RAD50: variants seen among roughly 807,000 people sequenced by gnomAD.
The protein encoded by RAD50 is DNA repair protein RAD50.
Under a neutral mutation model 168.8 loss-of-function variants are expected in RAD50, and 132 were observed. The ratio of observed to expected loss-of-function variants is 0.78; its 90% CI spans 0.68 to 0.90. The LOEUF (loss-of-function observed/expected upper bound fraction) is 0.90, where lower values mean the gene tolerates loss of function less well. Ranked by LOEUF, RAD50 falls within the 40% of genes least tolerant of loss-of-function variation. RAD50 has a pLI of 0.00. For missense variants in RAD50, 1,347 were observed against 1,534.4 expected (o/e 0.88, Z 2.04); for synonymous variants, 525 against 497.4 (o/e 1.06, Z -0.74).
At position 132,588,844 on chromosome 5, in the gene RAD50, A is replaced by G. The variant is rs200943808; in HGVS notation, c.1209A>G (p.Arg403=). The change falls in exon 8 of 25, where the codon AGA becomes AGG. Residue 403 remains arginine, a synonymous_variant. Coordinates refer to ENST00000378823, the MANE Select transcript of RAD50 (RefSeq NM_005732.4). ...IKNFHKLVRE[R]QEGEAKTANQ... Reference sequence around the variant, plus strand: ...ATTTTCACAAACTTGTGAGAGAGAGACAAGAAGGGGAAGCAAAAACTGCCA... The same window carrying G: ...ATTTTCACAAACTTGTGAGAGAGAGGCAAGAAGGGGAAGCAAAAACTGCCA... The G allele has an allele frequency of 1.2e-6, 2 of 1,613,894 alleles. No homozygotes were observed. The highest frequency in any genetic ancestry group is 1.7e-6 in the Non-Finnish European group (2 of 1,179,934).
intron 19 of RAD50, among the ~76,000 whole-genome samples, chr5:132,611,292 G>C (rs1751080707): frequency 6.6e-6 from 1 of 152,188 alleles, no homozygotes; most frequent in Non-Finnish European, 1.5e-5. Flanking sequence ...TCAGGAGGCT[G>C]AGGCAGGAGA....
At chr5:132,609,521 C>A in intron 19 of RAD50, 125 bp downstream of exon 19, 1 of 1,439,612 alleles carries the variant, frequency 6.9e-7, no homozygotes, top group Admixed American at 2.2e-5. Flanking sequence ...GTGGCTCACA[C>A]CTGTAATCCC....
In RAD50 at chr5:132,603,281, A is replaced by C; in HGVS notation, c.2208-19A>C. On this transcript the variant is annotated intron_variant, in intron 13 of 24. Transcript: ENST00000378823. The stretch of plus-strand genomic sequence containing the variant: ...GAGAAACATCAGATACTTTATTTTT[A>C]ATTGTGTTTTCTATTTAGGCAAAGC... 6.3e-7 allele frequency: 1 copy of C among 1,587,334 alleles called. No homozygotes were observed. Among genetic ancestry groups the C allele is most frequent in the Non-Finnish European group, 8.6e-7 (1 of 1,160,066 alleles).
chr5:132,628,231 G>C (rs185716119), intron 21 of RAD50, among the ~76,000 whole-genome samples: 1 of 152,250 alleles, frequency 6.6e-6, no homozygotes, highest in African/African-American at 2.4e-5. Context: ...CATATCCACG[G>C]CATTTAACCC....
At chr5:132,612,796 C>A (rs902583011) in intron 19 of RAD50, among the ~76,000 whole-genome samples, 1 of 151,956 alleles carries the variant, frequency 6.6e-6, no homozygotes, top group Non-Finnish European at 1.5e-5. Flanking sequence ...CCACTGCACT[C>A]CAGCCTGGGC....
chr5:132,630,160 G>T (rs1190698283), intron 21 of RAD50, among the ~76,000 whole-genome samples: 2 of 150,886 alleles, frequency 1.3e-5, no homozygotes, highest in Non-Finnish European at 1.5e-5. Context: ...CTTCTGCCTC[G>T]GCCTCCCAAG....
chr5:132,588,220 A>G (rs1303887651), intron 7 of RAD50, 131 bp downstream of exon 7: 3 of 1,074,452 alleles, frequency 2.8e-6, no homozygotes, highest in African/African-American at 1.6e-5. Context: ...GTATGTTTCC[A>G]TTTATATAAC....
intron 8 of RAD50, among the ~76,000 whole-genome samples, chr5:132,589,124 T>G (rs1291146935): frequency 6.6e-6 from 1 of 152,206 alleles, no homozygotes; most frequent in Non-Finnish European, 1.5e-5. Flanking sequence ...TAAAAACTAA[T>G]TGCAGAGAAA....
At chr5:132,575,171 A>G (rs1750370823) in intron 2 of RAD50, among the ~76,000 whole-genome samples, 1 of 152,240 alleles carries the variant, frequency 6.6e-6, no homozygotes. Flanking sequence ...TACAAAAGAA[A>G]GGGTTTAATG....
intron 2 of RAD50, among the ~76,000 whole-genome samples, chr5:132,573,326 G>A (rs1750339684): frequency 6.6e-6 from 1 of 152,176 alleles, no homozygotes; most frequent in Non-Finnish European, 1.5e-5. Flanking sequence ...CAATCATGGT[G>A]GAAGGTGAAA....
At chr5:132,578,450 A>T (rs1169663794) in intron 3 of RAD50, among the ~76,000 whole-genome samples, 1 of 147,764 alleles carries the variant, frequency 6.8e-6, no homozygotes, top group South Asian at 2.1e-4. Context: ...GTGATAACCT[A>T]TTGATTTATC....
intron 14 of RAD50, 116 bp from the exon 15 acceptor site, chr5:132,603,804 T>C: frequency 9.6e-7 from 1 of 1,040,634 alleles, no homozygotes; most frequent in Non-Finnish European, 1.4e-6. Context: ...AAATTGTATC[T>C]AGAAATGGTT....
chr5:132,637,912 A>G (rs1296699045), intron 22 of RAD50, 169 bp from the exon 23 acceptor site: 2 of 740,916 alleles, frequency 2.7e-6, no homozygotes, highest in Non-Finnish European at 4.4e-6. Flanking sequence ...TGGCCAGACC[A>G]CCAGGCTCTT....
At chr5:132,618,595 C>T (rs1179857339) in intron 21 of RAD50, among the ~76,000 whole-genome samples, 1 of 152,170 alleles carries the variant, frequency 6.6e-6, no homozygotes, top group Admixed American at 6.5e-5. Flanking sequence ...TCAGGCTGGT[C>T]TCGAACTCCT....
At chr5:132,627,919 C>T (rs769281576) in intron 21 of RAD50, among the ~76,000 whole-genome samples, 1 of 152,122 alleles carries the variant, frequency 6.6e-6, no homozygotes, top group African/African-American at 2.4e-5. Flanking sequence ...AAGTGATAGA[C>T]TTGGGATTTG....
Position 132,620,829 on chromosome 5 carries a change from A to AT in RAD50, c.3389+2536dup, listed in dbSNP as rs548568502. ...ATATTTTGTATGTTATGTGTATTAT[A>AT]TGCAGTATTCTTTCACAATAAAGTA... On this transcript the variant is annotated intron_variant, in intron 21 of 24. Transcript: ENST00000378823. Among the ~76,000 whole-genome samples the AT allele has an allele frequency of 1.3e-4, 20 of 152,364 alleles. No homozygotes were observed. The South Asian group carries it at 4.1e-3, about 32-fold the overall frequency.
Position 132,557,219 on chromosome 5 carries a change from T to C in RAD50, c.-106T>C. Reference sequence around the variant, plus strand: ...GCCTCGCTCCCCGCCCGGATCCTCCTGACCCTGAGATTCGCGGGTCTCACG... The same window carrying C: ...GCCTCGCTCCCCGCCCGGATCCTCCCGACCCTGAGATTCGCGGGTCTCACG... On this transcript the variant is annotated 5_prime_UTR_variant, in exon 1 of 25. Coordinates refer to ENST00000378823, the MANE Select transcript of RAD50 (RefSeq NM_005732.4). 6.7e-7 allele frequency: 1 copy of C among 1,486,834 alleles called. No individual in the cohort carries two copies. The highest frequency in any genetic ancestry group is 9.4e-7 in the Non-Finnish European group (1 of 1,066,436). The allele number at this position is 1,486,834 out of a possible 1,614,324, so 92.1% of individuals were successfully genotyped here.
intron 6 of RAD50, 67 bp from the exon 7 acceptor site, chr5:132,587,857 G>C (rs1750621932): frequency 2.6e-6 from 4 of 1,563,742 alleles, no homozygotes; most frequent in Non-Finnish European, 3.5e-6. Flanking sequence ...GTTTATATTT[G>C]ATACCTCAAA....
In RAD50 at chr5:132,614,831, G is replaced by GA. The variant is rs895323868; in HGVS notation, c.3037-1162dup. Among the ~76,000 whole-genome samples, 96 of 145,358 alleles carry GA rather than the reference G, an allele frequency of 6.6e-4. No homozygotes were observed. In the South Asian group the frequency reaches 8.8e-3, roughly 13 times the overall value. ...GCCTTACTTTGTGACTGTTAAAAAAGAAAAAAAAAACTCTAAAAATAGTCA... is the reference window on the plus strand; with the variant it reads ...GCCTTACTTTGTGACTGTTAAAAAAGAAAAAAAAAAACTCTAAAAATAGTCA... On this transcript the variant is annotated intron_variant, in intron 19 of 24. Transcript: ENST00000378823.
Sources: allele counts gnomAD v4.1 joint callset (sites outside exome capture counted in the v4.1 genomes callset), GRCh38; gene constraint gnomAD v4.1.1; transcripts MANE v1.5; gene names NCBI Gene and HGNC (gene_info 2026-07-23, HGNC 2026-07-21).